Variants in FN3KRP observed in about 807,000 individuals in gnomAD.
FN3KRP encodes the protein ketosamine-3-kinase.
FN3KRP carries 33 observed loss-of-function variants against 29.8 expected under a neutral mutation model. The observed-to-expected ratio is 1.11, with a 90% CI of 0.84 to 1.48. The LOEUF (loss-of-function observed/expected upper bound fraction) is 1.48. Ranked by LOEUF, FN3KRP falls within the 40% of genes most tolerant of loss-of-function variation. FN3KRP has a pLI of 0.00. For synonymous variants in FN3KRP, 157 were observed against 155.2 expected, an observed-to-expected ratio of 1.01 and a Z score of -0.09; for missense variants, 430 against 402.6, an observed-to-expected ratio of 1.07 and a Z score of -0.58.
chr17:82,724,849 C>T (rs1157127175), intron 4 of FN3KRP, among the ~76,000 whole-genome samples: 1 of 151,946 alleles, frequency 6.6e-6, no homozygotes, highest in African/African-American at 2.4e-5. Flanking sequence ...CGCTCTGTCA[C>T]CCAGGCTGGA....
At chr17:82,723,701 CTG>C (rs1415756669) in intron 4 of FN3KRP, among the ~76,000 whole-genome samples, 1 of 152,102 alleles carries the variant, frequency 6.6e-6, no homozygotes, top group Non-Finnish European at 1.5e-5. Flanking sequence ...GTGCGCATGA[CTG>C]TGTGCCTGAT....
chr17:82,719,494 C>T (rs1422987038), intron 2 of FN3KRP, among the ~76,000 whole-genome samples: 1 of 152,276 alleles, frequency 6.6e-6, no homozygotes, highest in East Asian at 1.9e-4. Context: ...GTGGCTCACG[C>T]CTGGAATCCC....
At chr17:82,717,714 T>C (rs1665594676) in intron 1 of FN3KRP, among the ~76,000 whole-genome samples, 3 of 151,936 alleles carry the variant, frequency 2.0e-5, no homozygotes, top group African/African-American at 7.2e-5. Flanking sequence ...TGAATGAGAC[T>C]CCGTCTCAAA....
chr17:82,721,809 T>A (rs2143611810), intron 3 of FN3KRP, among the ~76,000 whole-genome samples: 1 of 151,332 alleles, frequency 6.6e-6, no homozygotes, highest in South Asian at 2.1e-4. Context: ...GCCTGTTTTT[T>A]ACTTTTTATG....
At position 82,716,969 on chromosome 17, in the gene FN3KRP, G is replaced by A. The variant is rs1253760288; in HGVS notation, c.141+73G>A. The A allele has an allele frequency of 2.7e-6, 4 of 1,508,970 alleles. No homozygotes were observed. In the African/African-American group the frequency reaches 4.4e-5, roughly 16 times the overall value. 93.5% of individuals were successfully genotyped at this position (1,508,970 alleles called of 1,614,324 possible). A position where few individuals can be genotyped will look rare whatever the true frequency, so the allele number is the denominator to read the frequency against. ...AGGGTCGCGGGCCTCGGCGCGGGGC[G>A]CGGCCTGGGCTTCTCCCGCCGGAGG... On this transcript the variant is annotated intron_variant, in intron 1 of 5. Transcript: ENST00000269373.
chr17:82,718,414 A>G, intron 1 of FN3KRP: 1 of 988,028 alleles, frequency 1.0e-6, no homozygotes, highest in Non-Finnish European at 1.2e-6. Flanking sequence ...GCTGGGCAGG[A>G]GGTGGCATGG....
intron 4 of FN3KRP, among the ~76,000 whole-genome samples, chr17:82,723,342 T>A (rs1270079809): frequency 6.6e-6 from 1 of 151,588 alleles, no homozygotes; most frequent in East Asian, 2.0e-4. Context: ...CAGGGTTTCC[T>A]GGCGGGCGCG....
intron 4 of FN3KRP, 107 bp from the exon 5 acceptor site, chr17:82,726,373 C>T (rs1009684515): frequency 1.3e-5 from 18 of 1,421,140 alleles, no homozygotes; most frequent in East Asian, 1.2e-4. Context: ...ACCCCTCCCA[C>T]GTGCCGCTCC....
intron 4 of FN3KRP, 114 bp from the exon 5 acceptor site, chr17:82,726,366 C>A: frequency 7.4e-7 from 1 of 1,350,714 alleles, no homozygotes; most frequent in Non-Finnish European, 1.0e-6. Flanking sequence ...GACTGCCACC[C>A]CTCCCACGTG....
chr17:82,723,026 G>A (rs1016748641), intron 4 of FN3KRP, 140 bp downstream of exon 4: 1 of 757,510 alleles, frequency 1.3e-6, no homozygotes, highest in Admixed American at 3.1e-5. Context: ...ATGTTTGAGA[G>A]GTTGACGTAA....
chr17:82,718,852 C>G (rs938851628), intron 1 of FN3KRP, 54 bp from the exon 2 acceptor site: 1 of 1,587,472 alleles, frequency 6.3e-7, no homozygotes, highest in Non-Finnish European at 8.6e-7. Flanking sequence ...CAGAACCTTC[C>G]GGAAGTAACC....
Position 82,716,803 on chromosome 17 carries a change from C to T in FN3KRP, c.48C>T (p.Ala16=). Residue 16 remains alanine (A), a synonymous_variant, in exon 1 of 6, where the codon GCC becomes GCT. Coordinates refer to ENST00000269373, the MANE Select transcript of FN3KRP (RefSeq NM_024619.4). ...AGCTGGGCTGCAGCTCTGTCAGGGC[C>T]ACGGGCCACTCGGGGGGCGGGTGCA... ...RRELGCSSVR[A]TGHSGGGCIS... 1 of 1,550,692 alleles carries T rather than the reference C, an allele frequency of 6.4e-7. No individual in the cohort carries two copies. The highest frequency in any genetic ancestry group is 8.7e-7 in the Non-Finnish European group (1 of 1,154,896).
Position 82,722,768 on chromosome 17 carries a change from G to A in FN3KRP, c.386-36G>A, listed in dbSNP as rs761086947. ...TCGAGAGTGGGCGCTGGGATCCCTTGGAACTAATTTCCTTTCTTTTACTTT... is the reference window on the plus strand; with the variant it reads ...TCGAGAGTGGGCGCTGGGATCCCTTAGAACTAATTTCCTTTCTTTTACTTT... On this transcript the variant is annotated intron_variant, in intron 3 of 5. Transcript: ENST00000269373. The A allele has an allele frequency of 3.7e-6, 6 of 1,603,978 alleles. No individual in the cohort carries two copies. In the African/African-American group the frequency reaches 8.0e-5, roughly 21 times the overall value.
Position 82,720,358 on chromosome 17 carries a change from C to T in FN3KRP, c.380C>T (p.Thr127Ile). ...GAGATGCGCCTGAAGGAGGCGGGCA[C>T]AGTGGGTATGGCACTGCGCGGGCCA... ...LGEMRLKEAG[T>I]VGRGGGQEER... Residue 127 changes from threonine (T) to isoleucine (I), a missense_variant, in exon 3 of 6, where the codon ACA becomes ATA. Physicochemically the swap from Thr to Ile is moderately conservative, Grantham distance 89. Transcript: ENST00000269373. 6.2e-7 allele frequency: 1 copy of T among 1,613,108 alleles called. No homozygotes were observed. Among genetic ancestry groups the T allele is most frequent in the Non-Finnish European group, 8.5e-7 (1 of 1,179,778 alleles).
At position 82,727,478 on chromosome 17, in the gene FN3KRP, G is replaced by T; in HGVS notation, c.*307G>T. 3.6e-6 allele frequency: 1 copy of T among 274,798 alleles called. No individual in the cohort carries two copies. The highest frequency in any genetic ancestry group is 6.9e-6 in the Non-Finnish European group (1 of 144,420). The allele number at this position is 274,798 out of a possible 1,614,324, so 17.0% of individuals were successfully genotyped here. On this transcript the variant is annotated 3_prime_UTR_variant, in exon 6 of 6. Transcript: ENST00000269373. ...AAACTGTAAGTGAACCCCTGTGGGT[G>T]CGGGGGAGGGTATCCGGTGCGCAGG...
At chr17:82,720,398 T>C (rs1293537558) in intron 3 of FN3KRP, 35 bp downstream of exon 3, 2 of 1,549,000 alleles carry the variant, frequency 1.3e-6, no homozygotes, top group Non-Finnish European at 8.9e-7. Flanking sequence ...TGCTCCCGCC[T>C]AGAGGAGGAC....
rs1366219653 is a variant in FN3KRP, at chr17:82,719,074, C to CCCCCCAA, written c.293+23_293+24insACCCCCA. ...TCTGAGCAGGTGCATCTTCACACCA[C>CCCCCCAA]CCCCCACCTGGCTTTATTACCTGAG... On this transcript the variant is annotated intron_variant, in intron 2 of 5. Transcript: ENST00000269373. 9 of 1,579,888 alleles carry CCCCCCAA rather than the reference C, an allele frequency of 5.7e-6. No homozygotes were observed. Among genetic ancestry groups the CCCCCCAA allele is most frequent in the African/African-American group, 2.8e-5 (2 of 70,552 alleles).
intron 3 of FN3KRP, chr17:82,720,637 G>A: frequency 3.0e-6 from 1 of 329,532 alleles, no homozygotes; most frequent in South Asian, 5.1e-5. Context: ...TCGTTCCCCA[G>A]AAGAGTGTAA....
In FN3KRP at chr17:82,716,905, G is replaced by A; in HGVS notation, c.141+9G>A. On this transcript the variant is annotated intron_variant, in intron 1 of 5. Transcript: ENST00000269373. ...TGAACCCCAAGGCGGAGGTCAGGCA[G>A]CGGGTCGGGCGGGCCGGGGGACCGG... is the stretch of plus-strand genomic sequence containing the variant. 6.4e-7 allele frequency: 1 copy of A among 1,564,740 alleles called. No individual in the cohort carries two copies. The highest frequency in any genetic ancestry group is 8.6e-7 in the Non-Finnish European group (1 of 1,159,844).
Sources: gnomAD v4.1 joint callset for allele counts (sites outside exome capture counted in the v4.1 genomes callset) on GRCh38, gnomAD v4.1.1 for gene constraint, MANE v1.5 for transcripts, NCBI Gene and HGNC (gene_info 2026-07-23, HGNC 2026-07-21) for gene names.